The following PCDH10 variants were observed in gnomAD, a reference collection of about 807,000 sequenced individuals.
PCDH10 encodes the protein protocadherin-10.
In PCDH10, 15 loss-of-function variants were observed where a neutral mutation model predicts 74.4. The observed-to-expected ratio is 0.20, with a 90% CI of 0.13 to 0.31. The LOEUF is 0.31. PCDH10 is among the 10% of genes least tolerant of loss of function. PCDH10 has a pLI of 1.00. For missense variants in PCDH10, 1,260 were observed against 1,390.2 expected, an observed-to-expected ratio of 0.91 and a Z score of 1.49; for synonymous variants, 619 against 589.8, an observed-to-expected ratio of 1.05 and a Z score of -0.72.
intron 4 of PCDH10, among the ~76,000 whole-genome samples, chr4:133,186,252 G>C (rs923299221): frequency 6.6e-6 from 1 of 152,024 alleles, no homozygotes; most frequent in Non-Finnish European, 1.5e-5. Context: ...TAGATATTAA[G>C]ATAAGTATCT....
intron 4 of PCDH10, among the ~76,000 whole-genome samples, chr4:133,179,571 G>A (rs138266441): frequency 9.6e-4 from 146 of 152,104 alleles, no homozygotes; most frequent in Middle Eastern, 3.4e-3. Flanking sequence ...CTGCATGACC[G>A]TCTCTTACTC....
rs781420676 is a variant in PCDH10 at position 133,150,884 on chromosome 4, C to G, written c.744C>G (p.Pro248=). 2 of 1,611,292 alleles carry G rather than the reference C, an allele frequency of 1.2e-6. No individual in the cohort carries two copies. Among genetic ancestry groups the G allele is most frequent in the Non-Finnish European group, 1.7e-6 (2 of 1,179,476 alleles). The change falls in exon 1 of 5, where the codon CCC becomes CCG. Residue 248 remains proline (P), a synonymous_variant. Coordinates refer to ENST00000264360, the MANE Select transcript of PCDH10 (RefSeq NM_032961.3). ...IRVLDSNDNV[P]AFDQPVYTVS... is the part of the protein sequence containing the mutation. ...TGCTGGACTCCAATGACAATGTGCCCGCTTTCGACCAACCCGTCTACACTG... is the reference window on the plus strand; with the variant it reads ...TGCTGGACTCCAATGACAATGTGCCGGCTTTCGACCAACCCGTCTACACTG...
intron 4 of PCDH10, among the ~76,000 whole-genome samples, chr4:133,165,306 T>C (rs1727055235): frequency 6.6e-6 from 1 of 151,296 alleles, no homozygotes; most frequent in South Asian, 2.1e-4. Flanking sequence ...GACTGGTTTT[T>C]TTTTTTAATT....
At chr4:133,172,447 A>G (rs1003149819) in intron 4 of PCDH10, among the ~76,000 whole-genome samples, 6 of 151,966 alleles carry the variant, frequency 3.9e-5, no homozygotes, top group Admixed American at 3.3e-4. Context: ...AAGGTATAAT[A>G]TGCATATAGA....
At chr4:133,172,339 A>G (rs2125866942) in intron 4 of PCDH10, among the ~76,000 whole-genome samples, 1 of 152,088 alleles carries the variant, frequency 6.6e-6, no homozygotes, top group Non-Finnish European at 1.5e-5. Context: ...AATTTCCATA[A>G]TTTTCTCACA....
intron 3 of PCDH10, among the ~76,000 whole-genome samples, chr4:133,162,705 T>C (rs1726994033): frequency 6.6e-6 from 1 of 152,210 alleles, no homozygotes; most frequent in African/African-American, 2.4e-5. Context: ...GCCAATATTT[T>C]GCCCAATACC....
chr4:133,162,699 A>G (rs1416955557), intron 3 of PCDH10, among the ~76,000 whole-genome samples: 2 of 152,184 alleles, frequency 1.3e-5, no homozygotes, highest in African/African-American at 4.8e-5. Flanking sequence ...TTTAGAGCCA[A>G]TATTTTGCCC....
chr4:133,194,890 T>C (rs1409962532), downstream of PCDH10, among the ~76,000 whole-genome samples: 1 of 152,042 alleles, frequency 6.6e-6, no homozygotes, highest in African/African-American at 2.4e-5. Context: ...AAGTATATAT[T>C]TTTCCACCTA....
intron 2 of PCDH10, among the ~76,000 whole-genome samples, chr4:133,207,467 A>G (rs1578585362): frequency 1.3e-5 from 2 of 152,314 alleles, no homozygotes; most frequent in East Asian, 3.9e-4. Flanking sequence ...GCTGGCACAT[A>G]CAGACACATT....
At chr4:133,199,797 T>G (rs1222747856) in intron 2 of PCDH10, among the ~76,000 whole-genome samples, 1 of 147,866 alleles carries the variant, frequency 6.8e-6, no homozygotes, top group Non-Finnish European at 1.5e-5. Context: ...CTATTATTAT[T>G]ATTATTATTA....
chr4:133,163,092 C>G lies in PCDH10; in HGVS notation c.2913C>G (p.Ser971Arg), dbSNP rs1478308216. 2 of 1,614,054 alleles carry G rather than the reference C, an allele frequency of 1.2e-6. No homozygotes were observed. The highest frequency in any genetic ancestry group is 3.3e-5 in the Admixed American group (2 of 60,010). The change falls in exon 4 of 5, where the codon AGC becomes AGG. Residue 971 changes from serine to arginine, a missense_variant. Coordinates refer to ENST00000264360, the MANE Select transcript of PCDH10 (RefSeq NM_032961.3). ...SDGRQAADYR[S>R]NLHVPGMDSV... ...GACGCCAGGCTGCTGATTATCGCAG[C>G]AATCTGCATGTTCCTGGCATGGACT...
At chr4:133,160,622 T>C (rs934115706) in intron 3 of PCDH10, among the ~76,000 whole-genome samples, 2 of 149,918 alleles carry the variant, frequency 1.3e-5, no homozygotes, top group African/African-American at 4.9e-5. Context: ...TCCTAATATA[T>C]GTTGACATAC....
At chr4:133,158,248 A>G (rs1045659549) in intron 3 of PCDH10, among the ~76,000 whole-genome samples, 6 of 152,178 alleles carry the variant, frequency 3.9e-5, no homozygotes, top group Non-Finnish European at 7.4e-5. Flanking sequence ...TTTAAATTGT[A>G]TATTCTTAAA....
chr4:133,160,804 A>G (rs1726953781), intron 3 of PCDH10, among the ~76,000 whole-genome samples: 1 of 152,064 alleles, frequency 6.6e-6, no homozygotes, highest in Admixed American at 6.6e-5. Flanking sequence ...ATGTAATTAT[A>G]TCAGCTATTC....
At chr4:133,194,884 A>T (rs1578579981), downstream of PCDH10, among the ~76,000 whole-genome samples, 1 of 152,144 alleles carries the variant, frequency 6.6e-6, no homozygotes, top group Admixed American at 6.6e-5. Context: ...TCATAGAAGT[A>T]TATATTTTTC....
intron 3 of PCDH10, 31 bp from the exon 4 acceptor site, chr4:133,162,946 T>A (rs767780983): frequency 1.3e-6 from 2 of 1,567,364 alleles, no homozygotes; most frequent in African/African-American, 2.7e-5. Context: ...TGGTGAAGAC[T>A]ACATCCGTAG....
chr4:133,154,748 A>C (rs967846742), intron 2 of PCDH10, 169 bp from the exon 3 acceptor site: 13 of 585,246 alleles, frequency 2.2e-5, no homozygotes, highest in African/African-American at 1.5e-4. Flanking sequence ...TTAATCGATC[A>C]TTTTTAAATA....
At chr4:133,153,245 C>T in intron 1 of PCDH10, 1 of 1,020,328 alleles carries the variant, frequency 9.8e-7, no homozygotes, top group African/African-American at 1.7e-5. Flanking sequence ...GATTGTTTAA[C>T]TTTACACAGT....
intron 4 of PCDH10, among the ~76,000 whole-genome samples, chr4:133,169,124 A>C (rs556464109): frequency 6.6e-6 from 1 of 151,602 alleles, no homozygotes; most frequent in Non-Finnish European, 1.5e-5. Flanking sequence ...TTTTAATTAC[A>C]CCCCATTCTT....
Sources: gnomAD v4.1 joint callset for allele counts (sites outside exome capture counted in the v4.1 genomes callset) on GRCh38, gnomAD v4.1.1 for gene constraint, MANE v1.5 for transcripts, NCBI Gene and HGNC (gene_info 2026-07-23, HGNC 2026-07-21) for gene names.